UNC5C: variants seen among roughly 807,000 people sequenced by gnomAD.
UNC5C encodes the protein netrin receptor UNC5C.
Under a neutral mutation model 99.8 loss-of-function variants are expected in UNC5C, and 47 were observed. The ratio of observed to expected loss-of-function variants is 0.47; its 90% CI spans 0.37 to 0.60. The LOEUF is 0.60. UNC5C is among the 20% of genes least tolerant of loss of function. The probability of loss-of-function intolerance (pLI) is 0.00; values close to 1 mark genes in which losing one functional copy is unlikely to be tolerated. For synonymous variants in UNC5C, 487 were observed against 452.2 expected (o/e 1.08, Z -0.98); for missense variants, 1,062 against 1,165.9 (o/e 0.91, Z 1.30).
At chr4:95,543,530 A>G (rs1319082745) in intron 1 of UNC5C, among the ~76,000 whole-genome samples, 12 of 152,128 alleles carry the variant, frequency 7.9e-5, no homozygotes, top group Admixed American at 7.9e-4. Flanking sequence ...GTGTTGACCT[A>G]TTTTTATGTT....
intron 7 of UNC5C, among the ~76,000 whole-genome samples, chr4:95,232,405 C>A (rs1016129953): frequency 6.6e-6 from 1 of 152,020 alleles, no homozygotes. Context: ...AGTAAAGACA[C>A]CTGATAGAAA....
At chr4:95,368,011 G>A (rs1323848587) in intron 1 of UNC5C, among the ~76,000 whole-genome samples, 3 of 152,250 alleles carry the variant, frequency 2.0e-5, no homozygotes, top group African/African-American at 7.2e-5. Context: ...TTTCACAGAT[G>A]CATTAGAGGT....
At position 95,231,419 on chromosome 4, in the gene UNC5C, A is replaced by T. The variant is rs539508687; in HGVS notation, c.1108+11010T>A. Reference sequence around the variant, plus strand: ...TTTATAAAAGCATTAAACATATTCTAAAAAAGTAGCTATTTTTAGGTCACA... The same window carrying T: ...TTTATAAAAGCATTAAACATATTCTTAAAAAGTAGCTATTTTTAGGTCACA... On this transcript the variant is annotated intron_variant, in intron 7 of 15. Transcript: ENST00000453304. Among the ~76,000 whole-genome samples, 4 of 152,274 alleles carry T rather than the reference A, an allele frequency of 2.6e-5. No homozygotes were observed. The East Asian group carries it at 7.7e-4, about 29-fold the overall frequency.
At chr4:95,316,176 A>C (rs1742469849) in intron 2 of UNC5C, among the ~76,000 whole-genome samples, 1 of 152,232 alleles carries the variant, frequency 6.6e-6, no homozygotes, top group Admixed American at 6.5e-5. Flanking sequence ...ATATATGTAC[A>C]TGGAAAAAAG....
intron 2 of UNC5C, among the ~76,000 whole-genome samples, chr4:95,328,065 T>TTA (rs1742966375): frequency 2.4e-5 from 2 of 83,666 alleles, no homozygotes; most frequent in African/African-American, 9.0e-5. Context: ...TTTTTTAATT[T>TTA]TTTTTTTTTT....
chr4:95,455,360 G>A (rs1747398734), intron 1 of UNC5C, among the ~76,000 whole-genome samples: 2 of 152,020 alleles, frequency 1.3e-5, no homozygotes, highest in Admixed American at 6.6e-5. Context: ...ATCTGTAATG[G>A]CCCAAAACCA....
intron 1 of UNC5C, among the ~76,000 whole-genome samples, chr4:95,411,411 C>A (rs1443974957): frequency 6.6e-6 from 1 of 152,184 alleles, no homozygotes; most frequent in East Asian, 1.9e-4. Flanking sequence ...CATTTCCCAA[C>A]CTTGCAATTT....
At chr4:95,546,521 AT>A (rs1723072935) in intron 1 of UNC5C, among the ~76,000 whole-genome samples, 1 of 152,232 alleles carries the variant, frequency 6.6e-6, no homozygotes, top group South Asian at 2.1e-4. Context: ...GGAATAGTGC[AT>A]TTTACAGACC....
chr4:95,508,119 C>A (rs943661223), intron 1 of UNC5C, among the ~76,000 whole-genome samples: 12 of 151,736 alleles, frequency 7.9e-5, no homozygotes, highest in African/African-American at 2.9e-4. Flanking sequence ...GATTAATCTC[C>A]CTATACAGGA....
chr4:95,346,184 G>T (rs1181056923), intron 1 of UNC5C, among the ~76,000 whole-genome samples: 1 of 151,872 alleles, frequency 6.6e-6, no homozygotes, highest in South Asian at 2.1e-4. Context: ...AAATGGAGAA[G>T]AAATGGATAA....
chr4:95,206,766 C>T lies in UNC5C; in HGVS notation c.1764G>A (p.Leu588=), dbSNP rs772784244. ...GGGGCCCACAGCTCACCACAGGGGT[C>T]AAAAGTGTCTGAGAGTCATCCATGG... The part of the protein sequence containing the change: ...RPPMDDSQTL[L]TPVVSCGPPG... Residue 588 remains leucine, a synonymous_variant, in exon 11 of 16, where the codon TTG becomes TTA. Coordinates refer to ENST00000453304, the MANE Select transcript of UNC5C (RefSeq NM_003728.4). 10 of 1,610,950 alleles carry T rather than the reference C, an allele frequency of 6.2e-6. No individual in the cohort carries two copies. In the African/African-American group the frequency reaches 1.3e-4, roughly 22 times the overall value.
At chr4:95,242,858 G>A (rs1739377311) in intron 6 of UNC5C, among the ~76,000 whole-genome samples, 1 of 152,180 alleles carries the variant, frequency 6.6e-6, no homozygotes, top group Admixed American at 6.5e-5. Context: ...TTGTCACCAG[G>A]AGCTATGTAA....
rs531276059 is a variant in UNC5C, at chr4:95,367,844, T to G, written c.125-32213A>C. On this transcript the variant is annotated intron_variant, in intron 1 of 15. Transcript: ENST00000453304. ...CCCATTGTAGGTGCTTAAGAAATTC[T>G]TTTTGAATTGATCAGCTTCTATCTA... 3.3e-5 allele frequency among the ~76,000 whole-genome samples: 5 copies of G among 152,356 alleles called. No individual in the cohort carries two copies. In the South Asian group the frequency reaches 8.3e-4, roughly 25 times the overall value.
intron 1 of UNC5C, among the ~76,000 whole-genome samples, chr4:95,425,040 A>G (rs965068534): frequency 3.9e-5 from 6 of 152,128 alleles, no homozygotes; most frequent in Non-Finnish European, 8.8e-5. Context: ...AAAAATGTCT[A>G]AAGTTGAAAT....
intron 1 of UNC5C, among the ~76,000 whole-genome samples, chr4:95,450,109 T>C (rs1747238098): frequency 1.3e-5 from 2 of 152,344 alleles, no homozygotes; most frequent in African/African-American, 4.8e-5. Context: ...ATACATCATT[T>C]CCCTTTGAGA....
At chr4:95,230,257 T>C (rs563416618) in intron 7 of UNC5C, among the ~76,000 whole-genome samples, 1 of 152,302 alleles carries the variant, frequency 6.6e-6, no homozygotes, top group East Asian at 1.9e-4. Context: ...TTGAGAAATG[T>C]CTGTTCTTAT....
At chr4:95,223,114 GATA>G (rs564852037) in intron 7 of UNC5C, among the ~76,000 whole-genome samples, 14 of 152,254 alleles carry the variant, frequency 9.2e-5, no homozygotes, top group Non-Finnish European at 1.9e-4. Flanking sequence ...TATGGATAAT[GATA>G]ATAATGTGAA....
intron 1 of UNC5C, among the ~76,000 whole-genome samples, chr4:95,547,930 A>G (rs540800440): frequency 6.6e-6 from 1 of 152,338 alleles, no homozygotes; most frequent in Admixed American, 6.5e-5. Context: ...CACTTATGTT[A>G]AAGTTCACAG....
chr4:95,264,638 A>C (rs1185357245), intron 4 of UNC5C, among the ~76,000 whole-genome samples: 1 of 152,068 alleles, frequency 6.6e-6, no homozygotes, highest in Non-Finnish European at 1.5e-5. Flanking sequence ...TTAGTGGCTA[A>C]ACTCCTTGAA....
Sources: gnomAD v4.1 joint callset for allele counts (sites outside exome capture counted in the v4.1 genomes callset) on GRCh38, gnomAD v4.1.1 for gene constraint, MANE v1.5 for transcripts, NCBI Gene and HGNC (gene_info 2026-07-23, HGNC 2026-07-21) for gene names.